DACH2: variants seen among roughly 807,000 people sequenced by gnomAD.
The protein encoded by DACH2 is dachshund family transcription factor 2.
A neutral mutation model predicts 35.8 loss-of-function variants in DACH2; 17 were observed. The ratio of observed to expected loss-of-function variants is 0.48; its 90% CI spans 0.33 to 0.71. DACH2 has a LOEUF of 0.71. DACH2 is among the 30% of genes least tolerant of loss of function. The pLI, the probability that DACH2 is intolerant of heterozygous loss-of-function variation, is 0.02. For missense variants in DACH2, 469 were observed against 472.7 expected (o/e 0.99, Z 0.07); for synonymous variants, 195 against 177.3 (o/e 1.10, Z -0.79).
At chrX:86,672,233 G>A (rs2040773052) in intron 4 of DACH2, among the ~76,000 whole-genome samples, 1 of 112,355 alleles carries the variant, frequency 8.9e-6, no homozygotes, top group African/African-American at 3.2e-5. Flanking sequence ...GGGAAGCAGA[G>A]CATAAAAGTT....
At chrX:86,469,654 C>T (rs2037731101) in intron 2 of DACH2, among the ~76,000 whole-genome samples, 1 of 110,252 alleles carries the variant, frequency 9.1e-6, no homozygotes, top group Admixed American at 9.8e-5. Context: ...CATTCTAACC[C>T]CCAGTCCCAA....
chrX:86,682,595 G>A (rs919402799), intron 4 of DACH2, among the ~76,000 whole-genome samples: 8 of 111,403 alleles, frequency 7.2e-5, no homozygotes, highest in South Asian at 3.7e-4. Flanking sequence ...AGCAGCAGCC[G>A]GTAACTGATA....
intron 2 of DACH2, chrX:86,480,884 C>G (rs758193387): frequency 8.9e-6 from 1 of 111,830 alleles, no homozygotes; most frequent in East Asian, 2.8e-4. Flanking sequence ...ACAGTTTATA[C>G]TAAATCAGTT....
intron 1 of DACH2, among the ~76,000 whole-genome samples, chrX:86,190,523 A>G (rs1377663023): frequency 8.9e-6 from 1 of 112,402 alleles, no homozygotes; most frequent in African/African-American, 3.2e-5. Context: ...ATGAACAGAC[A>G]CTTTTCAAAA....
chrX:86,168,809 C>G (rs1317408745), intron 1 of DACH2, among the ~76,000 whole-genome samples: 1 of 109,719 alleles, frequency 9.1e-6, no homozygotes, highest in African/African-American at 3.3e-5. Context: ...TGTCCCCTTG[C>G]TTTTTAACCT....
chrX:86,442,395 T>TG (rs1236850064), intron 2 of DACH2, among the ~76,000 whole-genome samples: 1 of 104,356 alleles, frequency 9.6e-6, no homozygotes, highest in East Asian at 3.1e-4. Flanking sequence ...GTGTATGTTT[T>TG]TTTTTTTTTT....
chrX:86,679,659 T>A (rs1450122281), intron 4 of DACH2, among the ~76,000 whole-genome samples: 1 of 100,049 alleles, frequency 1.0e-5, no homozygotes, highest in Non-Finnish European at 2.1e-5. Flanking sequence ...TGTGTGTGTG[T>A]ATTCCCAAAT....
rs188670178 is a variant in DACH2, at chrX:86,470,158, G to A, written c.528-44121G>A. On this transcript the variant is annotated intron_variant, in intron 2 of 11. Transcript: ENST00000373125. ...CAAAAAAGTGATAAAAAGTCTTCAC[G>A]TGTAGGTCTGCATGGGGCAAGAATT... Among the ~76,000 whole-genome samples the A allele has an allele frequency of 7.7e-3, 855 of 111,308 alleles. 10 individuals are homozygous for A. The highest frequency in any genetic ancestry group is 0.026 in the African/African-American group (809 of 30,643).
intron 3 of DACH2, among the ~76,000 whole-genome samples, chrX:86,539,450 C>T (rs777638727): frequency 5.8e-4 from 65 of 111,702 alleles, no homozygotes; most frequent in South Asian, 2.6e-3. Context: ...GTCTTAATTG[C>T]AGATGTGTTT....
At chrX:86,257,441 C>G (rs1251676733) in intron 1 of DACH2, among the ~76,000 whole-genome samples, 1 of 111,529 alleles carries the variant, frequency 9.0e-6, no homozygotes, top group East Asian at 2.8e-4. Context: ...TATATTGAAC[C>G]AATTTCTTTT....
intron 4 of DACH2, among the ~76,000 whole-genome samples, chrX:86,669,712 T>C (rs1412235119): frequency 9.0e-6 from 1 of 111,421 alleles, no homozygotes; most frequent in Non-Finnish European, 1.9e-5. Flanking sequence ...AGAACACATA[T>C]GGTTCCATCA....
intron 1 of DACH2, among the ~76,000 whole-genome samples, chrX:86,230,675 T>A (rs1443805980): frequency 9.0e-6 from 1 of 111,561 alleles, no homozygotes; most frequent in East Asian, 2.8e-4. Context: ...TTCTTATTGG[T>A]CTGTTCGGGG....
At chrX:86,424,908 C>T (rs1447433494) in intron 2 of DACH2, among the ~76,000 whole-genome samples, 2 of 111,072 alleles carry the variant, frequency 1.8e-5, no homozygotes, top group Non-Finnish European at 3.8e-5. Context: ...TTATTAAATG[C>T]TTTTTCAGGA....
chrX:86,182,511 T>A (rs2031529342), intron 1 of DACH2, among the ~76,000 whole-genome samples: 1 of 111,733 alleles, frequency 8.9e-6, no homozygotes, highest in Non-Finnish European at 1.9e-5. Context: ...TGTGGCATTA[T>A]TTCTGAGGCC....
intron 7 of DACH2, among the ~76,000 whole-genome samples, chrX:86,765,616 G>C (rs773923955): frequency 2.8e-5 from 3 of 107,207 alleles, no homozygotes; most frequent in African/African-American, 6.8e-5. Flanking sequence ...CAATACCATG[G>C]TGTTTTGCTT....
chrX:86,348,423 A>T (rs938685150), intron 1 of DACH2, among the ~76,000 whole-genome samples: 1 of 111,953 alleles, frequency 8.9e-6, no homozygotes, highest in African/African-American at 3.2e-5. Context: ...CTTTGTTTCC[A>T]GGGTATCTTG....
chrX:86,751,796 A>T (rs1460520194), intron 7 of DACH2, among the ~76,000 whole-genome samples: 1 of 111,909 alleles, frequency 8.9e-6, no homozygotes, highest in African/African-American at 3.2e-5. Flanking sequence ...TCATATGTTT[A>T]TTGCGGTGCT....
Position 86,820,502 on chromosome X carries a change from G to A in DACH2, c.1750+4403G>A, listed in dbSNP as rs111969716. ...GAACCATTTTTGCTCAGAAAAAAGG[G>A]ATCTTATTAAGAGTACAGACTGGCC... On this transcript the variant is annotated intron_variant, in intron 11 of 11. Coordinates refer to ENST00000373125, the MANE Select transcript of DACH2 (RefSeq NM_053281.3). Among the ~76,000 whole-genome samples, 7 of 109,151 alleles carry A rather than the reference G, an allele frequency of 6.4e-5. No homozygotes were observed. The East Asian group carries it at 1.7e-3, about 27-fold the overall frequency. The allele number at this position is 109,151 out of a possible 115,157, so 94.8% of individuals were successfully genotyped here. A position where few individuals can be genotyped will look rare whatever the true frequency, so the allele number is the denominator to read the frequency against.
intron 7 of DACH2, among the ~76,000 whole-genome samples, chrX:86,742,244 C>A (rs187503516): frequency 9.1e-6 from 1 of 110,185 alleles, no homozygotes; most frequent in Admixed American, 9.8e-5. Context: ...ATTAATAGGG[C>A]TACATAATGT....
Sources: gnomAD v4.1 joint callset for allele counts (sites outside exome capture counted in the v4.1 genomes callset) on GRCh38, gnomAD v4.1.1 for gene constraint, MANE v1.5 for transcripts, NCBI Gene and HGNC (gene_info 2026-07-23, HGNC 2026-07-21) for gene names.